Variants in DISC1 observed in about 807,000 individuals in gnomAD.
The protein encoded by DISC1 is DISC1 scaffold protein.
DISC1 carries 57 observed loss-of-function variants against 84.5 expected under a neutral mutation model. That is an observed-to-expected ratio of 0.67 (90% CI 0.55 to 0.84). The LOEUF (loss-of-function observed/expected upper bound fraction) is 0.84. Ranked by LOEUF, DISC1 falls within the 40% of genes least tolerant of loss-of-function variation. The pLI is 0.00. For synonymous variants in DISC1, 411 were observed against 415.2 expected, an observed-to-expected ratio of 0.99 and a Z score of 0.12; for missense variants, 1,000 against 1,057.8, an observed-to-expected ratio of 0.95 and a Z score of 0.76.
intron 1 of DISC1, among the ~76,000 whole-genome samples, chr1:231,668,196 T>A (rs1293742572): frequency 2.0e-5 from 3 of 152,170 alleles, no homozygotes; most frequent in Non-Finnish European, 4.4e-5. Context: ...CAAAGTTTCT[T>A]CTTTATTATT....
chr1:231,858,826 T>C (rs2084441789), intron 9 of DISC1, among the ~76,000 whole-genome samples: 1 of 152,208 alleles, frequency 6.6e-6, no homozygotes, highest in Admixed American at 6.5e-5. Context: ...TCTCCAAGTA[T>C]CTGGGGAAAG....
intron 1 of DISC1, among the ~76,000 whole-genome samples, chr1:231,683,147 C>T (rs1388970416): frequency 1.3e-5 from 2 of 152,188 alleles, no homozygotes; most frequent in African/African-American, 4.8e-5. Flanking sequence ...GCTAAAACCA[C>T]ATTCAAGAAA....
chr1:231,671,780 G>T (rs1434718952), intron 1 of DISC1, among the ~76,000 whole-genome samples: 1 of 152,178 alleles, frequency 6.6e-6, no homozygotes, highest in Admixed American at 6.5e-5. Context: ...AGCCATGTGA[G>T]GTTGGGCAAG....
intron 3 of DISC1, among the ~76,000 whole-genome samples, chr1:231,713,225 T>C (rs1484005641): frequency 6.6e-6 from 1 of 152,116 alleles, no homozygotes. Context: ...AAGTGCCCAA[T>C]GTTCAACAAA....
Position 231,960,459 on chromosome 1 carries a change from G to A in DISC1, c.2042+1571G>A, listed in dbSNP as rs184240555. Among the ~76,000 whole-genome samples, 219 of 152,208 alleles carry A rather than the reference G, an allele frequency of 1.4e-3. 1 individual carries two copies. The highest frequency in any genetic ancestry group is 5.1e-3 in the African/African-American group (210 of 41,522). Reference sequence around the variant, plus strand: ...GTGGAGATGGAGTTTCACCATGTTAGTCAGGCTGGTCACAAACTCCTGACC... The same window carrying A: ...GTGGAGATGGAGTTTCACCATGTTAATCAGGCTGGTCACAAACTCCTGACC... On this transcript the variant is annotated intron_variant, in intron 10 of 12. Transcript: ENST00000439617.
intron 9 of DISC1, among the ~76,000 whole-genome samples, chr1:231,822,436 G>C (rs200080212): frequency 1.3e-5 from 2 of 152,100 alleles, no homozygotes; most frequent in East Asian, 1.9e-4. Context: ...TTTGTCTTTC[G>C]GTGAGTAAGA....
chr1:231,908,893 G>C (rs2088940238), intron 9 of DISC1, among the ~76,000 whole-genome samples: 1 of 152,106 alleles, frequency 6.6e-6, no homozygotes, highest in Non-Finnish European at 1.5e-5. Context: ...CACATCCCTT[G>C]TAAGTTGTAT....
intron 9 of DISC1, among the ~76,000 whole-genome samples, chr1:231,895,583 T>C (rs901227310): frequency 5.3e-5 from 8 of 151,888 alleles, no homozygotes; most frequent in Non-Finnish European, 7.4e-5. Context: ...TATTGTTTTC[T>C]TTCCTGGGAT....
intron 4 of DISC1, among the ~76,000 whole-genome samples, chr1:231,752,102 G>A (rs895937270): frequency 6.6e-6 from 1 of 152,196 alleles, no homozygotes; most frequent in African/African-American, 2.4e-5. Flanking sequence ...GCACTGTGCT[G>A]CCTTTTAAGT....
At chr1:231,708,190 C>T (rs768012222) in intron 3 of DISC1, among the ~76,000 whole-genome samples, 16 of 152,142 alleles carry the variant, frequency 1.1e-4, no homozygotes, top group African/African-American at 2.4e-4. Flanking sequence ...AGGGTATTTC[C>T]GCGGAGATTA....
intron 9 of DISC1, among the ~76,000 whole-genome samples, chr1:231,901,204 T>C (rs1350939265): frequency 1.3e-5 from 2 of 152,210 alleles, no homozygotes; most frequent in Non-Finnish European, 2.9e-5. Context: ...GGCTGGCCTG[T>C]CTTCAAACGG....
intron 9 of DISC1, among the ~76,000 whole-genome samples, chr1:231,871,948 A>G (rs1015101): frequency 0.38 from 58,533 of 152,034 alleles, 11,497 homozygotes; most frequent in East Asian, 0.51. Context: ...ATTCACCTTC[A>G]GAGACTGGAG....
intron 2 of DISC1, among the ~76,000 whole-genome samples, chr1:231,696,264 A>G (rs1055236437): frequency 2.0e-5 from 3 of 152,156 alleles, no homozygotes; most frequent in Admixed American, 1.3e-4. Flanking sequence ...AAGAGGGTCT[A>G]CCTTCCTGCG....
intron 5 of DISC1, among the ~76,000 whole-genome samples, chr1:231,767,787 G>A (rs199585379): frequency 1.2e-4 from 18 of 152,304 alleles, no homozygotes; most frequent in Admixed American, 2.0e-4. Flanking sequence ...GCCTGTTTTC[G>A]ATATTCCTCA....
At chr1:231,750,324 A>T in intron 4 of DISC1, 1 of 1,310,848 alleles carries the variant, frequency 7.6e-7, no homozygotes, top group Non-Finnish European at 9.7e-7. Flanking sequence ...GTGCAGCTGC[A>T]TCCCAGGTCT....
chr1:231,923,436 A>G (rs1397054151), intron 9 of DISC1, among the ~76,000 whole-genome samples: 1 of 151,694 alleles, frequency 6.6e-6, no homozygotes, highest in East Asian at 1.9e-4. Context: ...CAGCTTACCC[A>G]TTTACCAGGT....
chr1:231,743,512 A>G (rs549395596), intron 3 of DISC1, among the ~76,000 whole-genome samples: 1 of 152,352 alleles, frequency 6.6e-6, no homozygotes, highest in East Asian at 1.9e-4. Context: ...ATAATTCAAG[A>G]ACTTTATTGC....
Position 231,664,039 on chromosome 1 carries a change from T to TATCCATCCATCCATCC in DISC1, c.68-29762_68-29747dup, listed in dbSNP as rs57234946. ...ATATCTATCTATCTATCCATCTATC[T>TATCCATCCATCCATCC]ATCCATCCATCCATCCATCCATCCA... is the stretch of plus-strand genomic sequence containing the variant. On this transcript the variant is annotated intron_variant, in intron 1 of 12. Coordinates refer to ENST00000439617, the MANE Select transcript of DISC1 (RefSeq NM_018662.3). Among the ~76,000 whole-genome samples the TATCCATCCATCCATCC allele has an allele frequency of 1.3e-4, 19 of 146,420 alleles. 1 individual carries two copies. Among genetic ancestry groups the TATCCATCCATCCATCC allele is most frequent in the African/African-American group, 4.0e-4 (16 of 39,916 alleles).
chr1:231,947,579 A>G (rs1002414282), intron 9 of DISC1, among the ~76,000 whole-genome samples: 3 of 152,246 alleles, frequency 2.0e-5, no homozygotes, highest in African/African-American at 4.8e-5. Flanking sequence ...ACCAAAAGCA[A>G]TGGCAACAAA....
Sources: gnomAD v4.1 joint callset for allele counts (sites outside exome capture counted in the v4.1 genomes callset) on GRCh38, gnomAD v4.1.1 for gene constraint, MANE v1.5 for transcripts, NCBI Gene and HGNC (gene_info 2026-07-23, HGNC 2026-07-21) for gene names.